Variants in TNNI3K observed in about 807,000 individuals in gnomAD.
The protein encoded by TNNI3K is TNNI3 interacting kinase.
In TNNI3K, 140 loss-of-function variants were observed where a neutral mutation model predicts 114.5. The observed-to-expected ratio is 1.22, with a 90% CI of 1.07 to 1.41. The LOEUF is 1.41. TNNI3K is among the 40% of genes most tolerant of loss of function. The pLI, the probability that TNNI3K is intolerant of heterozygous loss-of-function variation, is 0.00. For synonymous variants in TNNI3K, 347 were observed against 347.5 expected, an observed-to-expected ratio of 1.00 and a Z score of 0.02; for missense variants, 1,125 against 1,007.6, an observed-to-expected ratio of 1.12 and a Z score of -1.58.
rs747645462 is a variant in TNNI3K at position 74,238,105 on chromosome 1, A to AAAGTCC, written c.149+1898_149+1899insTCCAAG. Among the ~76,000 whole-genome samples the AAAGTCC allele has an allele frequency of 5.4e-4, 82 of 152,026 alleles. 1 individual carries two copies. Among genetic ancestry groups the AAAGTCC allele is most frequent in the Non-Finnish European group, 1.8e-4 (12 of 67,924 alleles). ...TTGTAGATAAAAAGCATAGTTAAGT[A>AAAGTCC]AAGGTGTGTAGGCAAGAATGAATGA... On this transcript the variant is annotated intron_variant, in intron 2 of 24. Coordinates refer to ENST00000326637, the MANE Select transcript of TNNI3K (RefSeq NM_015978.3).
chr1:74,357,963 A>G (rs1051690660), intron 11 of TNNI3K, among the ~76,000 whole-genome samples: 2 of 151,692 alleles, frequency 1.3e-5, no homozygotes, highest in African/African-American at 4.8e-5. Flanking sequence ...AGTATGGAAA[A>G]CCCATTGAAA....
At chr1:74,336,229 T>G in intron 7 of TNNI3K, 80 bp downstream of exon 7, 1 of 1,478,396 alleles carries the variant, frequency 6.8e-7, no homozygotes, top group Non-Finnish European at 8.9e-7. Context: ...TACTAGAGAA[T>G]AATCTTGAAG....
chr1:74,543,361 T>A (rs980068762), intron 24 of TNNI3K, among the ~76,000 whole-genome samples: 3 of 152,132 alleles, frequency 2.0e-5, no homozygotes, highest in African/African-American at 7.2e-5. Flanking sequence ...CATGAGCCAC[T>A]GCACCTGGAC....
chr1:74,303,326 A>AT (rs1658441084), intron 5 of TNNI3K, among the ~76,000 whole-genome samples: 1 of 151,820 alleles, frequency 6.6e-6, no homozygotes, highest in African/African-American at 2.4e-5. Flanking sequence ...CCATGCCCAG[A>AT]TATTTTTTTT....
intron 17 of TNNI3K, chr1:74,371,286 T>C (rs949141275): frequency 6.6e-6 from 1 of 151,876 alleles, no homozygotes; most frequent in Non-Finnish European, 1.5e-5. Context: ...AACATATATG[T>C]TTAAAGACTA....
intron 17 of TNNI3K, among the ~76,000 whole-genome samples, chr1:74,402,660 C>A (rs2100593807): frequency 6.6e-6 from 1 of 152,306 alleles, no homozygotes; most frequent in South Asian, 2.1e-4. Context: ...TAACCCACTT[C>A]TGAACTATTC....
At chr1:74,246,906 T>C (rs545630820) in intron 2 of TNNI3K, among the ~76,000 whole-genome samples, 19 of 152,330 alleles carry the variant, frequency 1.2e-4, no homozygotes, top group African/African-American at 4.1e-4. Context: ...ATACCAGGAT[T>C]CAAATCCTAT....
At chr1:74,235,642 C>A in intron 1 of TNNI3K, 151 bp downstream of exon 1, 1 of 471,312 alleles carries the variant, frequency 2.1e-6, no homozygotes, top group Non-Finnish European at 3.8e-6. Flanking sequence ...TATCTGAACT[C>A]AAATTATTTT....
chr1:74,277,800 G>C (rs1320541728), intron 5 of TNNI3K, among the ~76,000 whole-genome samples: 2 of 152,188 alleles, frequency 1.3e-5, no homozygotes, highest in Non-Finnish European at 2.9e-5. Context: ...TTACAGAAAA[G>C]TGTACTTTCA....
At chr1:74,378,395 G>C (rs1663014032) in intron 17 of TNNI3K, among the ~76,000 whole-genome samples, 1 of 151,234 alleles carries the variant, frequency 6.6e-6, no homozygotes, top group South Asian at 2.1e-4. Context: ...TTTGCATCTT[G>C]ATTGTGTGGA....
chr1:74,533,386 G>A (rs1217092973), intron 23 of TNNI3K, among the ~76,000 whole-genome samples: 1 of 152,176 alleles, frequency 6.6e-6, no homozygotes, highest in Non-Finnish European at 1.5e-5. Context: ...CAGTTAGAAT[G>A]GCGATCATTA....
At chr1:74,497,843 G>A (rs1472884261) in intron 23 of TNNI3K, among the ~76,000 whole-genome samples, 1 of 152,072 alleles carries the variant, frequency 6.6e-6, no homozygotes, top group Non-Finnish European at 1.5e-5. Context: ...AGTGAATTCC[G>A]GAGTCCAATT....
intron 5 of TNNI3K, among the ~76,000 whole-genome samples, chr1:74,317,775 C>T (rs1659393616): frequency 6.6e-6 from 1 of 152,146 alleles, no homozygotes; most frequent in African/African-American, 2.4e-5. Flanking sequence ...TAGAGTCTAT[C>T]CCTGGACCTG....
chr1:74,343,617 AT>A (rs1306524410), intron 9 of TNNI3K, among the ~76,000 whole-genome samples: 1 of 152,150 alleles, frequency 6.6e-6, no homozygotes, highest in Non-Finnish European at 1.5e-5. Context: ...TTATGTGAAA[AT>A]GTGTCTACCT....
At chr1:74,500,024 T>G (rs1048488052) in intron 23 of TNNI3K, among the ~76,000 whole-genome samples, 1 of 151,958 alleles carries the variant, frequency 6.6e-6, no homozygotes, top group Non-Finnish European at 1.5e-5. Flanking sequence ...TTTCTATTCT[T>G]TGGTGAGTAC....
chr1:74,314,897 C>T (rs533579925), intron 5 of TNNI3K, among the ~76,000 whole-genome samples: 7 of 152,134 alleles, frequency 4.6e-5, no homozygotes, highest in African/African-American at 1.2e-4. Flanking sequence ...ATATCTTATA[C>T]TTAGGAAATA....
intron 23 of TNNI3K, among the ~76,000 whole-genome samples, chr1:74,522,764 A>T (rs1381688548): frequency 6.6e-6 from 1 of 152,146 alleles, no homozygotes; most frequent in African/African-American, 2.4e-5. Context: ...CTGGATTAAA[A>T]CTGGTGTATT....
chr1:74,522,471 G>A (rs1345269278), intron 23 of TNNI3K, among the ~76,000 whole-genome samples: 1 of 152,114 alleles, frequency 6.6e-6, no homozygotes, highest in East Asian at 1.9e-4. Context: ...GGTGCTTGGG[G>A]AATACTTGTA....
At chr1:74,335,814 A>C (rs560332208) in intron 6 of TNNI3K, among the ~76,000 whole-genome samples, 197 bp from the exon 7 acceptor site, 1 of 152,322 alleles carries the variant, frequency 6.6e-6, no homozygotes, top group South Asian at 2.1e-4. Flanking sequence ...GCATGGCAGA[A>C]CAGAATGACA....
Sources: gnomAD v4.1 joint callset for allele counts (sites outside exome capture counted in the v4.1 genomes callset) on GRCh38, gnomAD v4.1.1 for gene constraint, MANE v1.5 for transcripts, NCBI Gene and HGNC (gene_info 2026-07-23, HGNC 2026-07-21) for gene names.